The following IL16 variants were observed in gnomAD, a reference collection of about 807,000 sequenced individuals.
IL16 encodes pro-interleukin-16.
Under a neutral mutation model 110.1 loss-of-function variants are expected in IL16, and 67 were observed. The observed-to-expected ratio is 0.61, with a 90% CI of 0.50 to 0.75. The LOEUF is 0.75. IL16 is among the 30% of genes least tolerant of loss of function. The pLI is 0.00. For missense variants in IL16, 1,545 were observed against 1,655.0 expected (o/e 0.93, Z 1.15); for synonymous variants, 689 against 662.9 (o/e 1.04, Z -0.61).
chr15:81,188,683 T>G (rs1001241661), intron 1 of IL16, among the ~76,000 whole-genome samples: 5 of 152,104 alleles, frequency 3.3e-5, no homozygotes, highest in Non-Finnish European at 7.4e-5. Flanking sequence ...CTATATTGTC[T>G]CTGTGTCTAT....
chr15:81,290,376 T>C, intron 10 of IL16, 77 bp from the exon 11 acceptor site: 1 of 936,848 alleles, frequency 1.1e-6, no homozygotes, highest in South Asian at 1.6e-5. Flanking sequence ...TGGCCCAGCT[T>C]TGGAGCTGGT....
intron 12 of IL16, among the ~76,000 whole-genome samples, 188 bp from the exon 13 acceptor site, chr15:81,296,740 G>A (rs552541388): frequency 6.6e-6 from 1 of 152,344 alleles, no homozygotes; most frequent in African/African-American, 2.4e-5. Flanking sequence ...TGCTCTGCAT[G>A]TCTAGGAGGT....
intron 11 of IL16, 168 bp from the exon 12 acceptor site, chr15:81,292,388 G>A (rs1238673161): frequency 1.0e-5 from 10 of 972,382 alleles, no homozygotes; most frequent in African/African-American, 4.8e-5. Flanking sequence ...CATACAGCTC[G>A]CCAGGGACCA....
chr15:81,226,821 T>C (rs1595967633), intron 2 of IL16, among the ~76,000 whole-genome samples: 1 of 152,242 alleles, frequency 6.6e-6, no homozygotes, highest in East Asian at 1.9e-4. Context: ...CAGGCTGCCA[T>C]TAATGATGTG....
Position 81,272,847 on chromosome 15 carries a change from G to T in IL16, c.676-243G>T, listed in dbSNP as rs116672237. Among the ~76,000 whole-genome samples the T allele has an allele frequency of 5.9e-5, 9 of 152,156 alleles. No individual in the cohort carries two copies. The East Asian group carries it at 1.5e-3, about 26-fold the overall frequency. ...TCTGTGTGGGAAACTTCAGATTCCC[G>T]CGAAAGCTCCAGACACTACCCAGCC... On this transcript the variant is annotated intron_variant, in intron 5 of 18. Transcript: ENST00000683961.
intron 8 of IL16, 69 bp from the exon 9 acceptor site, chr15:81,282,570 C>A: frequency 8.9e-7 from 1 of 1,121,898 alleles, no homozygotes; most frequent in Non-Finnish European, 1.3e-6. Context: ...CTGTGGCACC[C>A]AATCGACGAG....
At chr15:81,213,773 C>T (rs7496452) in intron 1 of IL16, among the ~76,000 whole-genome samples, 46,750 of 151,986 alleles carry the variant, frequency 0.31, 10,705 homozygotes, top group East Asian at 0.64. Flanking sequence ...ATGGGAGCTA[C>T]GTGAAATAGG....
At chr15:81,243,013 T>G (rs959825929) in intron 2 of IL16, among the ~76,000 whole-genome samples, 1 of 151,020 alleles carries the variant, frequency 6.6e-6, no homozygotes, top group African/African-American at 2.4e-5. Flanking sequence ...GTGAATAACA[T>G]CAATTGATTC....
rs1567048646 is a variant in IL16 at position 81,306,174 on chromosome 15, C to T, written c.3679+8C>T. On this transcript the variant is annotated splice_region_variant and intron_variant, in intron 17 of 18. Coordinates refer to ENST00000683961, the MANE Select transcript of IL16 (RefSeq NM_172217.5). ...ATGTTTCTGTAGAATCTAGTAAGTTCTCCCAACTCAGTGGAAGCCACATGG... is the reference window on the plus strand; with the variant it reads ...ATGTTTCTGTAGAATCTAGTAAGTTTTCCCAACTCAGTGGAAGCCACATGG... 1 of 1,611,830 alleles carries T rather than the reference C, an allele frequency of 6.2e-7. No homozygotes were observed. Among genetic ancestry groups the T allele is most frequent in the South Asian group, 1.1e-5 (1 of 90,930 alleles).
chr15:81,288,862 T>A (rs1899578639), intron 10 of IL16, among the ~76,000 whole-genome samples: 2 of 150,332 alleles, frequency 1.3e-5, no homozygotes. Context: ...TGTGTGTGTA[T>A]CACATGCTGT....
Position 81,308,872 on chromosome 15 carries a change from C to A in IL16, c.*74C>A. On this transcript the variant is annotated 3_prime_UTR_variant, in exon 19 of 19. Transcript: ENST00000683961. Reference sequence around the variant, plus strand: ...TCCCATAACCGCTGATTCTCAGGGTCTCTGCTGCCGCCCCACCCAGATGGG... The same window carrying A: ...TCCCATAACCGCTGATTCTCAGGGTATCTGCTGCCGCCCCACCCAGATGGG... 7.5e-7 allele frequency: 1 copy of A among 1,331,474 alleles called. No individual in the cohort carries two copies. The highest frequency in any genetic ancestry group is 1.4e-5 in the South Asian group (1 of 70,992). 82.5% of individuals were successfully genotyped at this position (1,331,474 alleles called of 1,614,324 possible).
In IL16 at chr15:81,306,028, A is replaced by G. The variant is rs780766135; in HGVS notation, c.3541A>G (p.Ile1181Val). 5 of 1,614,092 alleles carry G rather than the reference A, an allele frequency of 3.1e-6. No individual in the cohort carries two copies. The highest frequency in any genetic ancestry group is 4.2e-6 in the Non-Finnish European group (5 of 1,180,042). ...GACCACGCACCATGATGCCTTGGCC[A>G]TCCTCCGCCAAGCTCGAGAGCCCAG... is the stretch of plus-strand genomic sequence containing the variant. ...KGTTHHDALA[I>V]LRQAREPRQA... Residue 1181 changes from isoleucine to valine, a missense_variant, in exon 17 of 19, where the codon ATC becomes GTC. Physicochemically the swap from Ile to Val is conservative, Grantham distance 29. Transcript: ENST00000683961.
chr15:81,213,854 G>C (rs1896333040), intron 1 of IL16, among the ~76,000 whole-genome samples: 1 of 152,032 alleles, frequency 6.6e-6, no homozygotes, highest in Non-Finnish European at 1.5e-5. Context: ...TTTTAAGTGG[G>C]AACATTTAGT....
chr15:81,206,136 A>G (rs2141972768), intron 1 of IL16, among the ~76,000 whole-genome samples: 1 of 152,364 alleles, frequency 6.6e-6, no homozygotes, highest in African/African-American at 2.4e-5. Context: ...TACAAAATTG[A>G]ATATGTGCTT....
intron 14 of IL16, 146 bp downstream of exon 14, chr15:81,300,621 G>A (rs1900236039): frequency 5.3e-6 from 3 of 569,524 alleles, no homozygotes; most frequent in Non-Finnish European, 5.9e-6. Flanking sequence ...TTCCATGTGT[G>A]TGCAGATGTC....
intron 1 of IL16, among the ~76,000 whole-genome samples, chr15:81,217,402 T>TA (rs1376481006): frequency 6.6e-6 from 1 of 152,048 alleles, no homozygotes; most frequent in East Asian, 1.9e-4. Flanking sequence ...ACCAAGGAAG[T>TA]AATGGAAAAA....
chr15:81,290,625 A>G (rs1172225914), intron 11 of IL16, 85 bp downstream of exon 11: 4 of 866,174 alleles, frequency 4.6e-6, no homozygotes, highest in East Asian at 5.3e-5. Context: ...TCCTCTATCC[A>G]AGGAATAGTA....
rs935144761 is a variant in IL16, at chr15:81,278,889, A to G, written c.863A>G (p.Lys288Arg). The G allele has an allele frequency of 1.2e-6, 2 of 1,608,316 alleles. No homozygotes were observed. Among genetic ancestry groups the G allele is most frequent in the African/African-American group, 1.3e-5 (1 of 74,818 alleles). Residue 288 changes from lysine (K) to arginine (R), a missense_variant and splice_region_variant, in exon 7 of 19, where the codon AAG becomes AGG. Physicochemically the swap from Lys to Arg is conservative, Grantham distance 26 (BLOSUM62 2). Around this residue, in one of 3 missense-constraint regions of IL16, gnomAD observed 1,185 missense variants for 1,238.8 expected, o/e 0.96. Coordinates refer to ENST00000683961, the MANE Select transcript of IL16 (RefSeq NM_172217.5). ...CATCAGGATGCTTTGCAGAAGTTCA[A>G]GGTGACCATTTCTTATCAACACGTG... ...LTHQDALQKF[K>R]QAKKGLLTLT...
In IL16 at chr15:81,310,841, C is replaced by A. The variant is rs1348764561; in HGVS notation, c.*2043C>A. 6.6e-6 allele frequency: 1 copy of A among 152,184 alleles called. No homozygotes were observed. The highest frequency in any genetic ancestry group is 1.9e-4 in the East Asian group (1 of 5,186). The allele number at this position is 152,184 out of a possible 1,614,324, so 9.4% of individuals were successfully genotyped here. On this transcript the variant is annotated 3_prime_UTR_variant, in exon 19 of 19. Transcript: ENST00000683961. The stretch of plus-strand genomic sequence containing the variant: ...GGTACCAAGAGACTCCTTGAGAGAC[C>A]AGGCAAAGCAAGTGATTGGGACAGA...
Sources: gnomAD v4.1 joint callset for allele counts (sites outside exome capture counted in the v4.1 genomes callset) on GRCh38, gnomAD v4.1.1 for gene constraint, gnomAD v4.1.1 regional missense constraint, MANE v1.5 for transcripts, NCBI Gene and HGNC (gene_info 2026-07-23, HGNC 2026-07-21) for gene names.